The following GIPC1 variants were observed in gnomAD, a reference collection of about 807,000 sequenced individuals.
GIPC1 encodes GIPC PDZ domain containing family member 1.
A neutral mutation model predicts 28.5 loss-of-function variants in GIPC1; 15 were observed. That is an observed-to-expected ratio of 0.53 (90% CI 0.35 to 0.81). The LOEUF (loss-of-function observed/expected upper bound fraction) is 0.81, where lower values mean the gene tolerates loss of function less well. GIPC1 is among the 30% of genes least tolerant of loss of function. GIPC1 has a pLI of 0.01. For missense variants in GIPC1, 439 were observed against 481.9 expected, an observed-to-expected ratio of 0.91 and a Z score of 0.83; for synonymous variants, 224 against 206.1, an observed-to-expected ratio of 1.09 and a Z score of -0.74.
At chr19:14,490,169 G>T (rs145940465) in intron 3 of GIPC1, among the ~76,000 whole-genome samples, 2,599 of 151,212 alleles carry the variant, frequency 0.017, 74 homozygotes, top group African/African-American at 0.055. Flanking sequence ...TTCAAGACCA[G>T]CCTGGCCAAC....
chr19:14,483,017 G>C lies in GIPC1; in HGVS notation c.-30-11C>G, dbSNP rs1484856882. The C allele has an allele frequency of 6.3e-7, 1 of 1,578,976 alleles. No homozygotes were observed. The highest frequency in any genetic ancestry group is 1.3e-5 in the African/African-American group (1 of 74,552). On this transcript the variant is annotated splice_polypyrimidine_tract_variant and intron_variant, in intron 3 of 8. Coordinates refer to ENST00000393033, the MANE Select transcript of GIPC1 (RefSeq NM_005716.4). ...GGGTCACCAGAAGATCTGCAGGACA[G>C]GAAGTGGGGCTCAGGGCCTGGGCAG...
chr19:14,482,706 G>A lies in GIPC1; in HGVS notation c.271C>T (p.Arg91Cys), dbSNP rs146515353. ...GTGGATACCTCGGCAGTTGGCAGGC[G>A]GAAGGCCTCGGCGATCTTGCCATAC... is the stretch of plus-strand genomic sequence containing the variant. ...ELYGKIAEAF[R>C]LPTAEVMFCT... The change falls in exon 4 of 9, where the codon CGC becomes TGC. Residue 91 changes from arginine to cysteine, a missense_variant. By Grantham distance (180) the Arg-to-Cys change is radical. Coordinates refer to ENST00000393033, the MANE Select transcript of GIPC1 (RefSeq NM_005716.4). 1.2e-4 allele frequency: 187 copies of A among 1,611,260 alleles called. No individual in the cohort carries two copies. The highest frequency in any genetic ancestry group is 1.2e-4 in the Non-Finnish European group (144 of 1,179,910).
At chr19:14,495,631 A>T (rs976168543) in intron 1 of GIPC1, among the ~76,000 whole-genome samples, 16 of 152,092 alleles carry the variant, frequency 1.1e-4, no homozygotes, top group Non-Finnish European at 1.9e-4. Flanking sequence ...GACGATTATT[A>T]TTCAGACCGT....
At chr19:14,487,837 CT>C (rs748987270) in intron 3 of GIPC1, among the ~76,000 whole-genome samples, 21 of 151,788 alleles carry the variant, frequency 1.4e-4, no homozygotes, top group Non-Finnish European at 3.1e-4. Context: ...CCACCATGCC[CT>C]GCTAATTTTT....
At chr19:14,480,945 G>A (rs2071716379) in intron 4 of GIPC1, 167 bp from the exon 5 acceptor site, 2 of 601,180 alleles carry the variant, frequency 3.3e-6, no homozygotes, top group Admixed American at 3.1e-5. Flanking sequence ...ACATTAGCGT[G>A]TCAGCTCTGC....
intron 3 of GIPC1, among the ~76,000 whole-genome samples, chr19:14,485,686 TATATATATATATATATAGAG>T (rs1194492621): frequency 3.9e-5 from 2 of 51,914 alleles, no homozygotes; most frequent in East Asian, 7.1e-4. Context: ...AATAAACAAA[TATATATATATATATATAGAG>T]AGAGAGAGAG....
intron 1 of GIPC1, among the ~76,000 whole-genome samples, chr19:14,495,219 T>C (rs917204995): frequency 2.0e-5 from 3 of 150,054 alleles, no homozygotes; most frequent in African/African-American, 7.4e-5. Context: ...ACCTGCCCTC[T>C]CCAGCTCTGG....
chr19:14,480,704 G>A lies in GIPC1; in HGVS notation c.363C>T (p.Asp121=). 6.2e-7 allele frequency: 1 copy of A among 1,614,044 alleles called. No individual in the cohort carries two copies. The highest frequency in any genetic ancestry group is 2.2e-5 in the East Asian group (1 of 44,878). The change falls in exon 5 of 9, where the codon GAC becomes GAT. Residue 121 remains aspartate (D), a synonymous_variant. Transcript: ENST00000393033. ...GCCCCTTCACGTGGGCGAAGATGAA[G>A]TCCTCCAGCCCGATCTGGCCCCCCA... ...KLLGGQIGLE[D]FIFAHVKGQR...
chr19:14,482,444 A>G, intron 4 of GIPC1: 1 of 587,004 alleles, frequency 1.7e-6, no homozygotes, highest in Non-Finnish European at 3.0e-6. Context: ...CAGGTCTCCC[A>G]GTGCCTGATG....
Position 14,493,208 on chromosome 19 carries a change from G to T in GIPC1, c.-174-296C>A, listed in dbSNP as rs575538408. The stretch of plus-strand genomic sequence containing the variant: ...CATGAACTTAATTGCATGCTGCCCT[G>T]GCAGAACTCTTGTCTTCCAGCTTCA... On this transcript the variant is annotated intron_variant, in intron 1 of 8. Transcript: ENST00000393033. Among the ~76,000 whole-genome samples, 3 of 152,264 alleles carry T rather than the reference G, an allele frequency of 2.0e-5. No individual in the cohort carries two copies. In the East Asian group the frequency reaches 5.8e-4, roughly 29 times the overall value.
In GIPC1 at chr19:14,478,340, T is replaced by C; in HGVS notation, c.*76A>G. Reference sequence around the variant, plus strand: ...GCTAGGCTCAGGCTGGAGGCTCGGGTCCTGACGTCAGTGTCCCTGCTGGGG... The same window carrying C: ...GCTAGGCTCAGGCTGGAGGCTCGGGCCCTGACGTCAGTGTCCCTGCTGGGG... On this transcript the variant is annotated 3_prime_UTR_variant, in exon 9 of 9. Coordinates refer to ENST00000393033, the MANE Select transcript of GIPC1 (RefSeq NM_005716.4). This position sits in a 1 kb window ranked among gnomAD's most constrained non-coding sequence, Gnocchi z 5.2. 4 of 1,426,782 alleles carry C rather than the reference T, an allele frequency of 2.8e-6. No individual in the cohort carries two copies. Among genetic ancestry groups the C allele is most frequent in the Non-Finnish European group, 3.8e-6 (4 of 1,051,840 alleles). 88.4% of individuals were successfully genotyped at this position (1,426,782 alleles called of 1,614,324 possible).
chr19:14,486,248 G>A (rs1271825123), intron 3 of GIPC1, among the ~76,000 whole-genome samples: 1 of 152,106 alleles, frequency 6.6e-6, no homozygotes, highest in Non-Finnish European at 1.5e-5. Flanking sequence ...TATGCCCATT[G>A]AACAGATGAG....
rs749225613 is a variant in GIPC1 at position 14,480,588 on chromosome 19, G to A, written c.474+5C>T. ...GCCTCCGGGGTGCCCCGTCTCCCCA[G>A]GCACCTTGATGAAGGCGTAGCCAGC... On this transcript the variant is annotated splice_donor_5th_base_variant and intron_variant, in intron 5 of 8. Coordinates refer to ENST00000393033, the MANE Select transcript of GIPC1 (RefSeq NM_005716.4). 3.1e-6 allele frequency: 5 copies of A among 1,613,488 alleles called. No homozygotes were observed. The highest frequency in any genetic ancestry group is 2.2e-5 in the East Asian group (1 of 44,888).
At chr19:14,487,685 C>CTTTTTTTTTTTTTTTTTTT (rs34048955) in intron 3 of GIPC1, among the ~76,000 whole-genome samples, 3 of 130,454 alleles carry the variant, frequency 2.3e-5, no homozygotes, top group African/African-American at 9.2e-5. Flanking sequence ...CTTTATTTTC[C>CTTTTTTTTTTTTTTTTTTT]TTTTTTTTTT....
chr19:14,479,871 T>C (rs1246370790), intron 6 of GIPC1: 1 of 368,352 alleles, frequency 2.7e-6, no homozygotes, highest in African/African-American at 2.1e-5. Flanking sequence ...CAAGGGGGTA[T>C]GGCTGCTGGG....
At position 14,478,798 on chromosome 19, in the gene GIPC1, T is replaced by C; in HGVS notation, c.769-33A>G. 6.8e-7 allele frequency: 1 copy of C among 1,466,782 alleles called. No individual in the cohort carries two copies. Among genetic ancestry groups the C allele is most frequent in the Non-Finnish European group, 9.6e-7 (1 of 1,045,852 alleles). The allele number at this position is 1,466,782 out of a possible 1,614,324, so 90.9% of individuals were successfully genotyped here. On this transcript the variant is annotated intron_variant, in intron 7 of 8. Coordinates refer to ENST00000393033, the MANE Select transcript of GIPC1 (RefSeq NM_005716.4). This position sits in a 1 kb window ranked among gnomAD's most constrained non-coding sequence, Gnocchi z 5.2. ...CCAGGGAGGGGTGACAGCGACATCA[T>C]AACAATGTGAATATACATAGTAATT...
chr19:14,482,242 A>G, intron 4 of GIPC1: 1 of 200,384 alleles, frequency 5.0e-6, no homozygotes, highest in Non-Finnish European at 1.0e-5. Flanking sequence ...AGGCCTCTCA[A>G]TCCATCCATC....
At chr19:14,495,771 G>A (rs998475188) in intron 1 of GIPC1, among the ~76,000 whole-genome samples, 1 of 152,098 alleles carries the variant, frequency 6.6e-6, no homozygotes, top group Non-Finnish European at 1.5e-5. Flanking sequence ...GTCCAGCCGG[G>A]GGACGGGGGG....
rs151161206 is a variant in GIPC1, at chr19:14,483,748, C to CAATAATAAT, written c.-30-751_-30-743dup. On this transcript the variant is annotated intron_variant, in intron 3 of 8. Coordinates refer to ENST00000393033, the MANE Select transcript of GIPC1 (RefSeq NM_005716.4). ...TGGGCAAAAGAGCAAGACTCTGTCT[C>CAATAATAAT]AATAATAATAATAATAATAATAATA... Among the ~76,000 whole-genome samples, 614 of 141,524 alleles carry CAATAATAAT rather than the reference C, an allele frequency of 4.3e-3. 5 individuals carry two copies. The highest frequency in any genetic ancestry group is 0.014 in the Middle Eastern group (4 of 278). The allele number at this position is 141,524 out of a possible 152,430, so 92.8% of individuals were successfully genotyped here. A position where few individuals can be genotyped will look rare whatever the true frequency, so the allele number is the denominator to read the frequency against.
Sources: allele counts gnomAD v4.1 joint callset (sites outside exome capture counted in the v4.1 genomes callset), GRCh38; gene constraint gnomAD v4.1.1; non-coding constraint Gnocchi (gnomAD v3.1); transcripts MANE v1.5; gene names NCBI Gene and HGNC (gene_info 2026-07-23, HGNC 2026-07-21).